The following ADAMTS18 variants were observed in gnomAD, a reference collection of about 807,000 sequenced individuals.
The protein encoded by ADAMTS18 is A disintegrin and metalloproteinase with thrombospondin motifs 18.
Under a neutral mutation model 165.9 loss-of-function variants are expected in ADAMTS18, and 157 were observed. The ratio of observed to expected loss-of-function variants is 0.95; its 90% CI spans 0.83 to 1.08. The LOEUF is 1.08. Among genes scored for constraint, ADAMTS18 ranks in the 50% least tolerant of loss-of-function variants. The pLI is 0.00. For missense variants in ADAMTS18, 2,040 were observed against 1,534.0 expected, an observed-to-expected ratio of 1.33 and a Z score of -5.51; for synonymous variants, 782 against 578.2, an observed-to-expected ratio of 1.35 and a Z score of -5.06.
In ADAMTS18 at chr16:77,364,277, C is replaced by A. The variant is rs1008571197; in HGVS notation, c.883G>T (p.Val295Leu). 1 of 1,613,914 alleles carries A rather than the reference C, an allele frequency of 6.2e-7. No individual in the cohort carries two copies. Among genetic ancestry groups the A allele is most frequent in the Non-Finnish European group, 8.5e-7 (1 of 1,180,032 alleles). Residue 295 changes from valine to leucine, a missense_variant, in exon 5 of 23, where the codon GTG (valine) becomes TTG (leucine). By Grantham distance (32) the Val-to-Leu change is conservative. Coordinates refer to ENST00000282849, the MANE Select transcript of ADAMTS18 (RefSeq NM_199355.4). Reference sequence around the variant, plus strand: ...TTGTCTGCCACCACGAGGGTTTCCACATTGAGGCCCTTTTGTGATTTTCCA... The same window carrying A: ...TTGTCTGCCACCACGAGGGTTTCCAAATTGAGGCCCTTTTGTGATTTTCCA... The part of the protein sequence containing the change: ...SAGKSQKGLN[V>L]ETLVVADKKM...
chr16:77,432,097 A>C (rs921066074), intron 2 of ADAMTS18, among the ~76,000 whole-genome samples: 30 of 152,334 alleles, frequency 2.0e-4, no homozygotes, highest in African/African-American at 6.5e-4. Context: ...CAGAGTTTAC[A>C]TTTCAAGTCC....
chr16:77,397,166 G>A (rs1035958651), intron 3 of ADAMTS18, among the ~76,000 whole-genome samples: 1 of 152,096 alleles, frequency 6.6e-6, no homozygotes, highest in Non-Finnish European at 1.5e-5. Context: ...ATTTCTACAT[G>A]TAGAGTAAAG....
chr16:77,323,264 G>A (rs1218912081), intron 13 of ADAMTS18, among the ~76,000 whole-genome samples: 1 of 152,104 alleles, frequency 6.6e-6, no homozygotes, highest in South Asian at 2.1e-4. Context: ...GATATTGAGC[G>A]ATATCCCTAA....
intron 3 of ADAMTS18, among the ~76,000 whole-genome samples, chr16:77,416,488 G>C (rs529716867): frequency 6.6e-6 from 1 of 152,258 alleles, no homozygotes; most frequent in Admixed American, 6.5e-5. Context: ...TCTCATGGTA[G>C]TGAGTAAGAC....
At chr16:77,328,415 C>G (rs2056131782) in intron 12 of ADAMTS18, among the ~76,000 whole-genome samples, 2 of 152,144 alleles carry the variant, frequency 1.3e-5, no homozygotes, top group Admixed American at 1.3e-4. Flanking sequence ...TGCTCTAAAA[C>G]AGCCCTGGAG....
At chr16:77,284,570 G>C (rs77529558) in intron 22 of ADAMTS18, among the ~76,000 whole-genome samples, 6 of 152,068 alleles carry the variant, frequency 3.9e-5, no homozygotes, top group African/African-American at 1.4e-4. Flanking sequence ...ACTTTGGTAG[G>C]GGGGTGAGGT....
intron 3 of ADAMTS18, among the ~76,000 whole-genome samples, chr16:77,386,611 T>C (rs1372256224): frequency 6.6e-6 from 1 of 152,188 alleles, no homozygotes; most frequent in Non-Finnish European, 1.5e-5. Context: ...ATATTACTAG[T>C]CTGGTGCCTA....
At chr16:77,365,267 C>T (rs1465436960) in intron 4 of ADAMTS18, among the ~76,000 whole-genome samples, 1 of 152,164 alleles carries the variant, frequency 6.6e-6, no homozygotes, top group African/African-American at 2.4e-5. Context: ...GCAGAAAATG[C>T]TCATTTTACT....
At chr16:77,411,873 G>C (rs973740834) in intron 3 of ADAMTS18, among the ~76,000 whole-genome samples, 4 of 151,786 alleles carry the variant, frequency 2.6e-5, no homozygotes, top group African/African-American at 9.7e-5. Flanking sequence ...ATTTTTAATA[G>C]AGACGGGGTT....
intron 3 of ADAMTS18, among the ~76,000 whole-genome samples, chr16:77,406,327 G>C (rs2057392843): frequency 6.6e-6 from 1 of 151,994 alleles, no homozygotes; most frequent in South Asian, 2.1e-4. Flanking sequence ...AATAAAAGGT[G>C]TTATCATCAA....
intron 10 of ADAMTS18, among the ~76,000 whole-genome samples, chr16:77,348,604 C>T (rs570591935): frequency 1.3e-5 from 2 of 152,294 alleles, no homozygotes; most frequent in African/African-American, 4.8e-5. Flanking sequence ...GGACATCTTC[C>T]ACTTTATGGA....
At chr16:77,347,867 G>A (rs1461760850) in intron 10 of ADAMTS18, among the ~76,000 whole-genome samples, 8 of 152,050 alleles carry the variant, frequency 5.3e-5, no homozygotes, top group Admixed American at 5.2e-4. Context: ...CTCATATAAA[G>A]CTTAGTAAAA....
intron 10 of ADAMTS18, among the ~76,000 whole-genome samples, chr16:77,346,148 A>G (rs969545949): frequency 1.3e-5 from 2 of 152,190 alleles, no homozygotes; most frequent in African/African-American, 4.8e-5. Context: ...TGTGACCTCG[A>G]TATTAAAAAA....
At chr16:77,353,226 T>C (rs762276013) in intron 10 of ADAMTS18, among the ~76,000 whole-genome samples, 7 of 152,202 alleles carry the variant, frequency 4.6e-5, no homozygotes, top group Non-Finnish European at 8.8e-5. Context: ...TTCCCAATTA[T>C]CTTTTTTATA....
chr16:77,294,314 C>T (rs1367179518), intron 19 of ADAMTS18, among the ~76,000 whole-genome samples: 1 of 152,102 alleles, frequency 6.6e-6, no homozygotes, highest in African/African-American at 2.4e-5. Context: ...TTCACCTCTA[C>T]CCACTAGATG....
intron 9 of ADAMTS18, among the ~76,000 whole-genome samples, chr16:77,354,483 G>A (rs1320991221): frequency 6.6e-6 from 1 of 152,038 alleles, no homozygotes; most frequent in Admixed American, 6.5e-5. Flanking sequence ...GACTTGTTGA[G>A]AGCAAAAATC....
Position 77,283,807 on chromosome 16 carries a change from C to A in ADAMTS18, c.*149G>T, listed in dbSNP as rs2055194603. ...AATTGAGCTAGAAGCCTACTGGCAA[C>A]CTGTCTGTTCCTCAGAGCAGGCTCC... On this transcript the variant is annotated 3_prime_UTR_variant, in exon 23 of 23. Transcript: ENST00000282849. 3.1e-6 allele frequency: 2 copies of A among 651,884 alleles called. No homozygotes were observed. The highest frequency in any genetic ancestry group is 5.5e-5 in the East Asian group (2 of 36,046). 40.4% of individuals were successfully genotyped at this position (651,884 alleles called of 1,614,324 possible). A position where few individuals can be genotyped will look rare whatever the true frequency, so the allele number is the denominator to read the frequency against.
intron 3 of ADAMTS18, among the ~76,000 whole-genome samples, chr16:77,425,947 G>C (rs551111483): frequency 6.6e-6 from 1 of 152,242 alleles, no homozygotes; most frequent in East Asian, 1.9e-4. Flanking sequence ...TTGGGAGGCT[G>C]AGGCAGGAGA....
intron 10 of ADAMTS18, among the ~76,000 whole-genome samples, chr16:77,349,803 C>T (rs2056529824): frequency 6.6e-6 from 1 of 152,152 alleles, no homozygotes; most frequent in Non-Finnish European, 1.5e-5. Context: ...ATCCTGCTAT[C>T]CTTCCAATAC....
Sources: allele counts gnomAD v4.1 joint callset (sites outside exome capture counted in the v4.1 genomes callset), GRCh38; gene constraint gnomAD v4.1.1; transcripts MANE v1.5; gene names NCBI Gene and HGNC (gene_info 2026-07-23, HGNC 2026-07-21).